IGSF10: variants seen among roughly 807,000 people sequenced by gnomAD.
IGSF10 encodes the protein calvaria mechanical force protein 608.
IGSF10 carries 126 observed loss-of-function variants against 128.2 expected under a neutral mutation model. The ratio of observed to expected loss-of-function variants is 0.98; its 90% CI spans 0.85 to 1.14. The LOEUF is 1.14. Ranked by LOEUF, IGSF10 falls within the 50% of genes most tolerant of loss-of-function variation. IGSF10 has a pLI of 0.00. For synonymous variants in IGSF10, 1,185 were observed against 1,146.2 expected (o/e 1.03, Z -0.68); for missense variants, 3,295 against 3,149.8 (o/e 1.05, Z -1.10).
the IGSF10 span, among the ~76,000 whole-genome samples, chr3:151,485,057 G>T: frequency 6.6e-6 from 1 of 152,104 alleles, no homozygotes; most frequent in African/African-American, 2.4e-5. Flanking sequence ...GCCTTGAAAA[G>T]AAGTTAGATG....
At chr3:151,463,527 T>G (rs1013001191), upstream of IGSF10, among the ~76,000 whole-genome samples, 5 of 55,256 alleles carry the variant, frequency 9.0e-5, no homozygotes, top group Non-Finnish European at 1.6e-4. Context: ...TTTCTGGTTT[T>G]TTTTTTTTTT....
the IGSF10 span, among the ~76,000 whole-genome samples, chr3:151,569,749 T>C: frequency 6.6e-6 from 1 of 152,228 alleles, no homozygotes; most frequent in East Asian, 1.9e-4. Context: ...TTTTTTAAAT[T>C]ATACTTTAAG....
At chr3:151,615,771 G>A in the IGSF10 span, among the ~76,000 whole-genome samples, 7 of 152,194 alleles carry the variant, frequency 4.6e-5, no homozygotes, top group East Asian at 1.9e-4. Context: ...TACAAAGGTC[G>A]AGAAGAATCC....
At chr3:151,461,644 A>G (rs1403676942), upstream of IGSF10, among the ~76,000 whole-genome samples, 1 of 152,194 alleles carries the variant, frequency 6.6e-6, no homozygotes, top group African/African-American at 2.4e-5. Flanking sequence ...CCCAAATACC[A>G]TACAATTTTA....
the IGSF10 span, among the ~76,000 whole-genome samples, chr3:151,535,495 T>C: frequency 2.6e-5 from 4 of 152,162 alleles, no homozygotes; most frequent in Non-Finnish European, 5.9e-5. Context: ...TCGGTACTAT[T>C]CTCACTACCT....
At chr3:151,479,002 G>A in the IGSF10 span, among the ~76,000 whole-genome samples, 1 of 152,114 alleles carries the variant, frequency 6.6e-6, no homozygotes, top group African/African-American at 2.4e-5. Context: ...ACACTCTCAG[G>A]TAAATAGTGT....
chr3:151,604,272 T>C, the IGSF10 span, among the ~76,000 whole-genome samples: 1 of 152,162 alleles, frequency 6.6e-6, no homozygotes. Context: ...AATGTGCTGA[T>C]GTTTATTGGC....
At chr3:151,533,693 A>T in the IGSF10 span, among the ~76,000 whole-genome samples, 81 of 152,180 alleles carry the variant, frequency 5.3e-4, no homozygotes, top group African/African-American at 1.8e-3. Flanking sequence ...CCTAAAACCA[A>T]AAAAGCCCTA....
the IGSF10 span, among the ~76,000 whole-genome samples, chr3:151,534,797 GTGTA>G: frequency 4.1e-4 from 23 of 55,968 alleles, no homozygotes; most frequent in Non-Finnish European, 5.0e-4. Context: ...AGAATTTAAA[GTGTA>G]TGTGTGTGTG....
At chr3:151,535,702 G>A in the IGSF10 span, among the ~76,000 whole-genome samples, 2 of 152,070 alleles carry the variant, frequency 1.3e-5, no homozygotes. Context: ...TACAAATAGT[G>A]CAAGTCAGGA....
At chr3:151,441,578 T>C (rs953222010) in intron 7 of IGSF10, among the ~76,000 whole-genome samples, 3 of 152,202 alleles carry the variant, frequency 2.0e-5, no homozygotes, top group African/African-American at 7.2e-5. Flanking sequence ...ACATTTACTA[T>C]GTGTAATTTT....
rs1043747279 is a variant in IGSF10 at position 151,460,329 on chromosome 3, T to A, written c.-70A>T. The A allele has an allele frequency of 6.1e-6, 6 of 980,248 alleles. No homozygotes were observed. The highest frequency in any genetic ancestry group is 7.3e-6 in the Non-Finnish European group (6 of 825,236). The allele number at this position is 980,248 out of a possible 1,614,324, so 60.7% of individuals were successfully genotyped here. A position where few individuals can be genotyped will look rare whatever the true frequency, so the allele number is the denominator to read the frequency against. On this transcript the variant is annotated 5_prime_UTR_variant, in exon 2 of 8. Coordinates refer to ENST00000282466, the MANE Select transcript of IGSF10 (RefSeq NM_178822.5). ...AGAGACAGAAAATCTTCCCAGGAAATGGAAAATTGTGTCCAAACCTGAGGG... is the reference window on the plus strand; with the variant it reads ...AGAGACAGAAAATCTTCCCAGGAAAAGGAAAATTGTGTCCAAACCTGAGGG...
At chr3:151,504,470 C>T in the IGSF10 span, among the ~76,000 whole-genome samples, 17 of 152,088 alleles carry the variant, frequency 1.1e-4, no homozygotes, top group African/African-American at 2.9e-4. Context: ...ATCCTTTTTG[C>T]TTATGGTCAA....
Position 151,460,973 on chromosome 3 carries a change from G to C in IGSF10, c.-116C>G. 1 of 985,360 alleles carries C rather than the reference G, an allele frequency of 1.0e-6. No individual in the cohort carries two copies. The allele number at this position is 985,360 out of a possible 1,614,324, so 61.0% of individuals were successfully genotyped here. On this transcript the variant is annotated 5_prime_UTR_variant, in exon 1 of 8. Transcript: ENST00000282466. The stretch of plus-strand genomic sequence containing the variant: ...GTTTGCCCTGGTGACCAATGGGCTC[G>C]AGCTGCCCGGGCTAGGTCCCGGGCT...
chr3:151,517,296 G>A, the IGSF10 span, among the ~76,000 whole-genome samples: 1 of 151,980 alleles, frequency 6.6e-6, no homozygotes, highest in East Asian at 1.9e-4. Context: ...TTTAGTTGTA[G>A]GGGATTAACA....
the IGSF10 span, among the ~76,000 whole-genome samples, chr3:151,520,945 AT>A: frequency 0.31 from 47,556 of 151,388 alleles, 7,967 homozygotes; most frequent in Middle Eastern, 0.44. Context: ...AGCAATCTGG[AT>A]TAAAAAAAAA....
chr3:151,507,659 A>T, the IGSF10 span, among the ~76,000 whole-genome samples: 1 of 152,174 alleles, frequency 6.6e-6, no homozygotes. Flanking sequence ...AAAGCCTTTT[A>T]TAAAACCATC....
chr3:151,529,121 G>A, the IGSF10 span, among the ~76,000 whole-genome samples: 3 of 152,172 alleles, frequency 2.0e-5, no homozygotes, highest in Non-Finnish European at 2.9e-5. Context: ...TCACAGTTCA[G>A]TAAGGCTGCT....
At position 151,445,659 on chromosome 3, in the gene IGSF10, G is replaced by A. The variant is rs1192970923; in HGVS notation, c.4322C>T (p.Thr1441Ile). 6.2e-7 allele frequency: 1 copy of A among 1,614,232 alleles called. No homozygotes were observed. The highest frequency in any genetic ancestry group is 1.7e-5 in the Admixed American group (1 of 60,032). The change falls in exon 6 of 8, where the codon ACT becomes ATT. Residue 1441 changes from threonine to isoleucine, a missense_variant. Transcript: ENST00000282466. Reference sequence around the variant, plus strand: ...ACTCTGGTGTGATTTGCTGGACAAAGTTGTTTCAGAAGCAATTGTGCTCTT... The same window carrying A: ...ACTCTGGTGTGATTTGCTGGACAAAATTGTTTCAGAAGCAATTGTGCTCTT... ...TLKSTIASET[T>I]LSSKSHQSTT...
Sources: allele counts gnomAD v4.1 joint callset (sites outside exome capture counted in the v4.1 genomes callset), GRCh38; gene constraint gnomAD v4.1.1; transcripts MANE v1.5; gene names NCBI Gene and HGNC (gene_info 2026-07-23, HGNC 2026-07-21).